PIN4: variants seen among roughly 807,000 people sequenced by gnomAD.
PIN4 encodes the protein peptidylprolyl cis/trans isomerase, NIMA-interacting 4.
A neutral mutation model predicts 8.3 loss-of-function variants in PIN4; 3 were observed. The observed-to-expected ratio is 0.36, with a 90% CI of 0.16 to 0.93. The LOEUF (loss-of-function observed/expected upper bound fraction) is 0.93, where lower values mean the gene tolerates loss of function less well. Ranked by LOEUF, PIN4 falls within the 40% of genes least tolerant of loss-of-function variation. The probability of loss-of-function intolerance (pLI) is 0.44; values close to 1 mark genes in which losing one functional copy is unlikely to be tolerated. For missense variants in PIN4, 75 were observed against 100.6 expected (o/e 0.75, Z 1.09); for synonymous variants, 18 against 32.5 (o/e 0.55, Z 1.52).
At chrX:72,186,435 G>A (rs1443434068) in intron 1 of PIN4, 26 bp from the exon 2 acceptor site, 6 of 1,068,914 alleles carry the variant, frequency 5.6e-6, no homozygotes, top group Non-Finnish European at 2.6e-6. Flanking sequence ...CAGTTTAAAT[G>A]AGTACCTGTC....
chrX:72,197,034 G>T, intron 3 of PIN4, 130 bp downstream of exon 3: 1 of 607,387 alleles, frequency 1.6e-6, no homozygotes, highest in Non-Finnish European at 2.4e-6. Context: ...TCATTCCTTT[G>T]TTCAACCATT....
chrX:72,241,593 C>T (rs1003463406), intron 3 of PIN4, among the ~76,000 whole-genome samples: 1 of 112,458 alleles, frequency 8.9e-6, no homozygotes, highest in Non-Finnish European at 1.9e-5. Context: ...GAGGCTGAGG[C>T]GGGCAGATCA....
At chrX:72,256,553 A>C (rs1369672238) in intron 3 of PIN4, among the ~76,000 whole-genome samples, 4 of 111,844 alleles carry the variant, frequency 3.6e-5, no homozygotes, top group Non-Finnish European at 7.5e-5. Flanking sequence ...TCAAATGTGA[A>C]TCTCAACCAG....
Position 72,197,398 on chromosome X carries a change from A to G in PIN4, c.268A>G (p.Met90Val), listed in dbSNP as rs760247738. 5.8e-6 allele frequency: 7 copies of G among 1,207,100 alleles called. No individual in the cohort carries two copies. Among genetic ancestry groups the G allele is most frequent in the Non-Finnish European group, 7.8e-6 (7 of 892,085 alleles). Residue 90 changes from methionine to valine, a missense_variant, in exon 4 of 4, where the codon ATG becomes GTG. Coordinates refer to ENST00000373669, the MANE Select transcript of PIN4 (RefSeq NM_006223.4). ...CTTGGGTTGGATGACCAGAGGGTCC[A>G]TGGTGGGACCATTTCAAGAAGCAGC... The part of the protein sequence containing the change: ...GDLGWMTRGS[M>V]VGPFQEAAFA...
At chrX:72,211,001 T>C (rs1005713300) in intron 3 of PIN4, among the ~76,000 whole-genome samples, 2 of 112,118 alleles carry the variant, frequency 1.8e-5, no homozygotes, top group African/African-American at 6.5e-5. Context: ...GAAAAATAAA[T>C]GCTTTTAATA....
rs1356496363 is a variant in PIN4 at position 72,181,774 on chromosome X, C to T, written c.-12C>T. ...ACTGGAGCGGTTCAGCGTTCAACAA[C>T]AAGCTTCCAAGATGCCGCCCAAAGG... On this transcript the variant is annotated 5_prime_UTR_variant, in exon 1 of 4. Coordinates refer to ENST00000373669, the MANE Select transcript of PIN4 (RefSeq NM_006223.4). The T allele has an allele frequency of 1.7e-6, 2 of 1,199,784 alleles. No homozygotes were observed. Among genetic ancestry groups the T allele is most frequent in the Admixed American group, 2.2e-5 (1 of 46,022 alleles).
At chrX:72,262,732 G>C in exon 4 of PIN4, 1 of 1,147,581 alleles carries the variant, frequency 8.7e-7, no homozygotes, top group Non-Finnish European at 1.2e-6. Context: ...CAACATGCTG[G>C]TCACCATAGA....
chrX:72,189,464 C>T (rs746151950), intron 2 of PIN4, among the ~76,000 whole-genome samples: 16 of 111,899 alleles, frequency 1.4e-4, no homozygotes, highest in Non-Finnish European at 2.4e-4. Flanking sequence ...AGTATGTAAC[C>T]TTTTGGGATT....
chrX:72,228,635 C>T (rs146265251), intron 3 of PIN4, among the ~76,000 whole-genome samples: 24 of 111,847 alleles, frequency 2.1e-4, no homozygotes, highest in Non-Finnish European at 3.8e-4. Flanking sequence ...GGTACCCTTA[C>T]GAAACTCCCA....
chrX:72,254,431 C>T (rs2043100950), intron 3 of PIN4, among the ~76,000 whole-genome samples: 1 of 112,307 alleles, frequency 8.9e-6, no homozygotes, highest in South Asian at 3.7e-4. Flanking sequence ...TTAAAAGTAT[C>T]TGTTTCCCTG....
chrX:72,243,939 G>A (rs184516527), intron 3 of PIN4, among the ~76,000 whole-genome samples: 4 of 112,614 alleles, frequency 3.6e-5, no homozygotes, highest in African/African-American at 1.3e-4. Flanking sequence ...GCTTGTGAAT[G>A]GTGAAGCAGA....
chrX:72,239,052 A>G lies in PIN4; in HGVS notation c.313-23655A>G, dbSNP rs1237690924. On this transcript the variant is annotated intron_variant, in intron 3 of 3. Coordinates refer to the PIN4 transcript ENST00000423432. ...TGCTCTGTGCGCCGTGGAGAGGGACACAGCCAACCGACGGCCTCGCGGCCG... is the reference window on the plus strand; with the variant it reads ...TGCTCTGTGCGCCGTGGAGAGGGACGCAGCCAACCGACGGCCTCGCGGCCG... 6 of 581,048 alleles carry G rather than the reference A, an allele frequency of 1.0e-5. No homozygotes were observed. The East Asian group carries it at 2.3e-4, about 22-fold the overall frequency. 47.9% of individuals were successfully genotyped at this position (581,048 alleles called of 1,213,427 possible).
intron 1 of PIN4, among the ~76,000 whole-genome samples, chrX:72,183,660 C>G (rs1836119931): frequency 8.9e-6 from 1 of 111,971 alleles, no homozygotes; most frequent in Non-Finnish European, 1.9e-5. Flanking sequence ...ATTTGGACTT[C>G]TTGGAAAGTT....
chrX:72,209,126 C>T (rs745322356), intron 3 of PIN4, among the ~76,000 whole-genome samples: 42 of 111,599 alleles, frequency 3.8e-4, no homozygotes, highest in African/African-American at 1.2e-3. Flanking sequence ...CCTCCTTTCA[C>T]GAGATTCCTA....
intron 2 of PIN4, among the ~76,000 whole-genome samples, chrX:72,195,230 A>C (rs760474087): frequency 8.9e-6 from 1 of 112,485 alleles, no homozygotes; most frequent in Non-Finnish European, 1.9e-5. Context: ...GGCTTTATGT[A>C]AACATAGGTC....
intron 3 of PIN4, among the ~76,000 whole-genome samples, chrX:72,218,228 C>T (rs1036866863): frequency 9.5e-6 from 1 of 104,853 alleles, no homozygotes; most frequent in Admixed American, 1.0e-4. Context: ...CAAGATCGCA[C>T]CACTGCACTC....
At position 72,216,068 on chromosome X, in the gene PIN4, T is replaced by A. The variant is rs142662423; in HGVS notation, c.312+19164T>A. On this transcript the variant is annotated intron_variant, in intron 3 of 3. Transcript: ENST00000423432. ...AGGTTAAATAGAGTCCTCCAAAATT[T>A]CATGTCAACCTGGAGCCCGTGAATG... 8.8e-3 allele frequency among the ~76,000 whole-genome samples: 970 copies of A among 110,752 alleles called. 9 individuals are homozygous for A. The highest frequency in any genetic ancestry group is 0.03 in the African/African-American group (913 of 30,394).
intron 2 of PIN4, among the ~76,000 whole-genome samples, chrX:72,187,146 G>C (rs1472707550): frequency 1.8e-5 from 2 of 111,509 alleles, no homozygotes; most frequent in Non-Finnish European, 3.8e-5. Context: ...AAAACCAAGA[G>C]ATTAGATAAG....
intron 3 of PIN4, among the ~76,000 whole-genome samples, chrX:72,262,132 A>G (rs1024966422): frequency 2.7e-5 from 3 of 112,064 alleles, no homozygotes; most frequent in African/African-American, 9.7e-5. Context: ...CACCTATCAC[A>G]ACATATTTGT....
Sources: allele counts gnomAD v4.1 joint callset (sites outside exome capture counted in the v4.1 genomes callset), GRCh38; gene constraint gnomAD v4.1.1; transcripts MANE v1.5; gene names NCBI Gene and HGNC (gene_info 2026-07-23, HGNC 2026-07-21).